Variants in AATK observed in about 807,000 individuals in gnomAD.
AATK encodes the protein serine/threonine-protein kinase LMTK1.
AATK carries 91 observed loss-of-function variants against 114.3 expected under a neutral mutation model. The observed-to-expected ratio is 0.80, with a 90% CI of 0.67 to 0.95. The LOEUF (loss-of-function observed/expected upper bound fraction) is 0.95. Among genes scored for constraint, AATK ranks in the 40% least tolerant of loss-of-function variants. The probability of loss-of-function intolerance (pLI) is 0.00; values close to 1 mark genes in which losing one functional copy is unlikely to be tolerated. For missense variants in AATK, 2,176 were observed against 1,965.2 expected, an observed-to-expected ratio of 1.11 and a Z score of -2.03; for synonymous variants, 1,075 against 916.5, an observed-to-expected ratio of 1.17 and a Z score of -3.12.
chr17:81,130,292 G>A (rs2060909367), intron 3 of AATK, among the ~76,000 whole-genome samples: 1 of 152,186 alleles, frequency 6.6e-6, no homozygotes, highest in African/African-American at 2.4e-5. Context: ...TCCTGGGAGG[G>A]GGCTTGAGAT....
chr17:81,155,676 G>A (rs975364126), intron 1 of AATK, among the ~76,000 whole-genome samples: 6 of 148,788 alleles, frequency 4.0e-5, no homozygotes, highest in African/African-American at 1.0e-4. Flanking sequence ...GAGCCAGCGC[G>A]CCCGACCTAT....
rs1206614434 is a variant in AATK, at chr17:81,127,624, C to T, written c.580G>A (p.Glu194Lys). The T allele has an allele frequency of 1.9e-6, 3 of 1,601,694 alleles. No homozygotes were observed. Among genetic ancestry groups the T allele is most frequent in the South Asian group, 1.1e-5 (1 of 88,702 alleles). Residue 194 changes from glutamate (E) to lysine (K), a missense_variant, in exon 6 of 14, where the codon GAG becomes AAG. Glu to Lys is a moderately conservative substitution (Grantham distance 56, BLOSUM62 1). Around this residue, in one of 4 missense-constraint regions of AATK, gnomAD observed 273 missense variants for 344.1 expected, o/e 0.79. Transcript: ENST00000326724. ...ATCACCAGCAGGTAGGGCGTCACCT[C>T]GGCGCACTGGGCCAGGCACTGGAGC... ...NLLQCLAQCA[E>K]VTPYLLVMEF...
Position 81,126,083 on chromosome 17 carries a change from G to C in AATK, c.755+344C>G, listed in dbSNP as rs2060816895. On this transcript the variant is annotated intron_variant, in intron 7 of 13. Coordinates refer to ENST00000326724, the MANE Select transcript of AATK (RefSeq NM_001080395.3). The surrounding 1 kb of genome is among the most constrained non-coding windows in gnomAD (Gnocchi z 5.1). ...CAGAACCCTCCCTCCAGGGTCCTTCGAAGCAGGGTCTGTCTCCCTCAAGCC... is the reference window on the plus strand; with the variant it reads ...CAGAACCCTCCCTCCAGGGTCCTTCCAAGCAGGGTCTGTCTCCCTCAAGCC... The C allele has an allele frequency of 2.1e-6, 1 of 484,104 alleles. No homozygotes were observed. The allele number at this position is 484,104 out of a possible 1,614,324, so 30.0% of individuals were successfully genotyped here.
intron 1 of AATK, among the ~76,000 whole-genome samples, chr17:81,148,282 C>T (rs890214927): frequency 2.0e-5 from 3 of 152,318 alleles, no homozygotes; most frequent in South Asian, 2.1e-4. Context: ...CTTACAGAGC[C>T]GCGCTGGACG....
At chr17:81,119,261 C>CGGGGCCGGGAA (rs756765391) in intron 13 of AATK, 119 bp downstream of exon 13, 946 of 1,080,810 alleles carry the variant, frequency 8.8e-4, no homozygotes, top group African/African-American at 2.7e-3. Flanking sequence ...CGGGAAGGAG[C>CGGGGCCGGGAA]GGAGCGGAGC....
chr17:81,139,417 G>T (rs1292715393), intron 1 of AATK, among the ~76,000 whole-genome samples: 1 of 152,134 alleles, frequency 6.6e-6, no homozygotes, highest in African/African-American at 2.4e-5. Context: ...AGAAACCCGT[G>T]CCCAGGAAGA....
intron 12 of AATK, 52 bp downstream of exon 12, chr17:81,119,884 G>T: frequency 7.1e-7 from 1 of 1,403,096 alleles, no homozygotes. Flanking sequence ...ACACAGCACG[G>T]ACCAGGCCCT....
At chr17:81,160,142 G>T (rs891557252) in intron 1 of AATK, 14 of 573,424 alleles carry the variant, frequency 2.4e-5, no homozygotes, top group Non-Finnish European at 3.1e-5. Flanking sequence ...CGCTGGCAGG[G>T]TCCCTGCAGG....
chr17:81,133,412 G>A, intron 2 of AATK: 1 of 331,184 alleles, frequency 3.0e-6, no homozygotes, highest in Non-Finnish European at 6.0e-6. Context: ...GCTGAGTCAT[G>A]GGTCACTTAG....
At chr17:81,118,934 G>A (rs2060620013) in intron 13 of AATK, among the ~76,000 whole-genome samples, 1 of 152,252 alleles carries the variant, frequency 6.6e-6, no homozygotes, top group Admixed American at 6.5e-5. Context: ...GCCCAGCCTG[G>A]GGTGGGGCGG....
intron 1 of AATK, among the ~76,000 whole-genome samples, chr17:81,152,485 G>A (rs1012405645): frequency 6.6e-6 from 1 of 152,170 alleles, no homozygotes; most frequent in African/African-American, 2.4e-5. Flanking sequence ...TTGGGAGGCT[G>A]AGGCGGGAGG....
chr17:81,119,493 G>GGGGCGGGTGC lies in AATK; in HGVS notation c.3961_3970dup (p.Pro1324ArgfsTer34). On this transcript the variant is annotated frameshift_variant, in exon 13 of 14. Transcript: ENST00000326724. LOFTEE classifies it high-confidence loss of function. The stretch of plus-strand genomic sequence containing the variant: ...AGCGGGCGTGGGCGTGGGCGCAGCC[G>GGGGCGGGTGC]GGGCGGGTGCGGCCGGGTCTAGGGC... 1 of 1,520,460 alleles carries GGGGCGGGTGC rather than the reference G, an allele frequency of 6.6e-7. No individual in the cohort carries two copies. Among genetic ancestry groups the GGGGCGGGTGC allele is most frequent in the Non-Finnish European group, 8.8e-7 (1 of 1,137,104 alleles). The allele number at this position is 1,520,460 out of a possible 1,614,324, so 94.2% of individuals were successfully genotyped here.
Position 81,120,173 on chromosome 17 carries a change from G to A in AATK, c.3735+28C>T, listed in dbSNP as rs1326837761. 7 of 1,544,446 alleles carry A rather than the reference G, an allele frequency of 4.5e-6. No individual in the cohort carries two copies. The South Asian group carries it at 4.8e-5, about 11-fold the overall frequency. On this transcript the variant is annotated intron_variant, in intron 11 of 13. Transcript: ENST00000326724. ...CTGCGGGAGCGCGACCCCCAGCCCC[G>A]GGCAGACCCCGGGTGGCGGCGGCCC...
rs775150093 is a variant in AATK at position 81,124,966 on chromosome 17, C to T, written c.804G>A (p.Lys268=). 1.9e-6 allele frequency: 3 copies of T among 1,580,378 alleles called. No individual in the cohort carries two copies. The South Asian group carries it at 3.5e-5, about 18-fold the overall frequency. ...AGTGAGCCAGGCCATAGTCACCAAT[C>T]TTCACCGTCAGGTCAGCCGTGAGCA... ...NCLLTADLTV[K]IGDYGLAHCK... Residue 268 remains lysine, a synonymous_variant, in exon 8 of 14, where the codon AAG becomes AAA. Transcript: ENST00000326724.
At chr17:81,155,214 C>T (rs1034722582) in intron 1 of AATK, among the ~76,000 whole-genome samples, 8 of 152,158 alleles carry the variant, frequency 5.3e-5, no homozygotes, top group Non-Finnish European at 8.8e-5. Context: ...GCTCTGTGGG[C>T]GACTGCACGT....
At chr17:81,150,117 G>A (rs1277269740) in intron 1 of AATK, among the ~76,000 whole-genome samples, 1 of 152,048 alleles carries the variant, frequency 6.6e-6, no homozygotes, top group African/African-American at 2.4e-5. Flanking sequence ...AGGGGGATGG[G>A]GAGGGACCAC....
intron 1 of AATK, among the ~76,000 whole-genome samples, chr17:81,146,192 A>AAAAG (rs1278388960): frequency 1.3e-5 from 2 of 151,064 alleles, no homozygotes; most frequent in Non-Finnish European, 3.0e-5. Flanking sequence ...CCATATTAAA[A>AAAAG]AAAAAAAAAA....
intron 1 of AATK, chr17:81,160,358 G>T: frequency 1.6e-6 from 1 of 623,966 alleles, no homozygotes; most frequent in Non-Finnish European, 2.0e-6. Flanking sequence ...CCAGGCCCCG[G>T]TCCCTGCGGA....
At chr17:81,127,058 G>C (rs2060843436) in intron 6 of AATK, among the ~76,000 whole-genome samples, 1 of 149,018 alleles carries the variant, frequency 6.7e-6, no homozygotes, top group African/African-American at 2.5e-5. Flanking sequence ...AAGGGGGTGG[G>C]GGGCAGGTCT....
Sources: allele counts gnomAD v4.1 joint callset (sites outside exome capture counted in the v4.1 genomes callset), GRCh38; gene constraint gnomAD v4.1.1; regional missense constraint gnomAD v4.1.1; non-coding constraint Gnocchi (gnomAD v3.1); transcripts MANE v1.5; gene names NCBI Gene and HGNC (gene_info 2026-07-23, HGNC 2026-07-21).